The following AKAP6 variants were observed in gnomAD, a reference collection of about 807,000 sequenced individuals.
AKAP6 encodes the protein A-kinase anchoring protein 6.
AKAP6 carries 58 observed loss-of-function variants against 188.5 expected under a neutral mutation model. The observed-to-expected ratio is 0.31, with a 90% CI of 0.25 to 0.38. AKAP6 has a LOEUF of 0.38. Among genes scored for constraint, AKAP6 ranks in the 10% least tolerant of loss-of-function variants. The probability of loss-of-function intolerance (pLI) is 1.00; values close to 1 mark genes in which losing one functional copy is unlikely to be tolerated. For missense variants in AKAP6, 2,710 were observed against 2,740.0 expected, an observed-to-expected ratio of 0.99 and a Z score of 0.24; for synonymous variants, 989 against 998.6, an observed-to-expected ratio of 0.99 and a Z score of 0.18.
chr14:32,698,585 C>T (rs1440500027), intron 9 of AKAP6, among the ~76,000 whole-genome samples: 2 of 151,994 alleles, frequency 1.3e-5, no homozygotes, highest in East Asian at 3.9e-4. Context: ...AGAACATTTA[C>T]TCTTCATGTT....
At chr14:32,525,094 G>C (rs1205080158) in intron 2 of AKAP6, among the ~76,000 whole-genome samples, 1 of 152,174 alleles carries the variant, frequency 6.6e-6, no homozygotes, top group Non-Finnish European at 1.5e-5. Flanking sequence ...TGAGAGTCAA[G>C]ACCACAGCCA....
intron 9 of AKAP6, among the ~76,000 whole-genome samples, chr14:32,728,395 A>ATCTATCT (rs1566671089): frequency 1.4e-5 from 2 of 139,850 alleles, no homozygotes; most frequent in Non-Finnish European, 3.2e-5. Flanking sequence ...TCTATCTATC[A>ATCTATCT]ATCGTATCTA....
intron 1 of AKAP6, among the ~76,000 whole-genome samples, chr14:32,377,310 C>G (rs1004138929): frequency 6.6e-6 from 1 of 152,160 alleles, no homozygotes; most frequent in Non-Finnish European, 1.5e-5. Context: ...AACTGTGAGG[C>G]CTTATATGGA....
chr14:32,337,265 AAATAAG>A (rs1240588778), intron 1 of AKAP6, among the ~76,000 whole-genome samples: 2 of 152,218 alleles, frequency 1.3e-5, no homozygotes, highest in African/African-American at 4.8e-5. Flanking sequence ...AATTAAAAGT[AAATAAG>A]AATAAGGGGG....
chr14:32,621,988 C>T (rs1182970099), intron 7 of AKAP6, among the ~76,000 whole-genome samples: 1 of 152,106 alleles, frequency 6.6e-6, no homozygotes, highest in East Asian at 1.9e-4. Context: ...TGTAGGTAGT[C>T]TCAATAAGGC....
chr14:32,407,583 G>T (rs41397447), intron 1 of AKAP6, among the ~76,000 whole-genome samples: 10,621 of 152,278 alleles, frequency 0.07, 552 homozygotes, highest in Non-Finnish European at 0.1. Flanking sequence ...CTGCATGTTA[G>T]TGAGGTGGTT....
chr14:32,413,358 A>G (rs1889556091), intron 1 of AKAP6, among the ~76,000 whole-genome samples: 1 of 151,502 alleles, frequency 6.6e-6, no homozygotes, highest in Admixed American at 6.6e-5. Context: ...ATTTTTTAAA[A>G]TTGTTTGTAG....
intron 2 of AKAP6, among the ~76,000 whole-genome samples, chr14:32,524,566 G>C (rs549273189): frequency 1.8e-4 from 28 of 152,128 alleles, no homozygotes; most frequent in African/African-American, 6.5e-4. Context: ...AAAAGAGAAG[G>C]CATGTTAGAA....
intron 2 of AKAP6, among the ~76,000 whole-genome samples, chr14:32,479,940 T>A (rs1017735949): frequency 6.6e-6 from 1 of 152,228 alleles, no homozygotes; most frequent in African/African-American, 2.4e-5. Flanking sequence ...GTTGTCCAGA[T>A]GGGCTAAGGC....
Position 32,510,414 on chromosome 14 carries a change from G to GTA in AKAP6, c.325-25131_325-25130dup, listed in dbSNP as rs10557960. Among the ~76,000 whole-genome samples, 246 of 112,310 alleles carry GTA rather than the reference G, an allele frequency of 2.2e-3. 1 individual carries two copies. Among genetic ancestry groups the GTA allele is most frequent in the African/African-American group, 9.2e-3 (238 of 25,970 alleles). The allele number at this position is 112,310 out of a possible 152,430, so 73.7% of individuals were successfully genotyped here. On this transcript the variant is annotated intron_variant, in intron 2 of 13. Transcript: ENST00000280979. ...TATGTGTATATATATGTATATATAT[G>GTA]TATATATATACATATATATATGTGT...
At chr14:32,577,946 A>G (rs1011615254) in intron 5 of AKAP6, among the ~76,000 whole-genome samples, 3 of 152,182 alleles carry the variant, frequency 2.0e-5, no homozygotes, top group Admixed American at 6.5e-5. Context: ...GTGGAGTGTG[A>G]TAAAGCATGA....
At position 32,823,883 on chromosome 14, in the gene AKAP6, C is replaced by A; in HGVS notation, c.6070C>A (p.Gln2024Lys). 6.2e-7 allele frequency: 1 copy of A among 1,613,810 alleles called. No individual in the cohort carries two copies. The highest frequency in any genetic ancestry group is 2.2e-5 in the East Asian group (1 of 44,874). The part of the protein sequence containing the change: ...KSAGCCLALE[Q>K]NGTEENASIS... ...TGCTGGTTGTTGCCTAGCACTTGAA[C>A]AAAACGGAACAGAGGAAAATGCTTC... The change falls in exon 13 of 14, where the codon CAA becomes AAA. Residue 2024 changes from glutamine to lysine, a missense_variant. Transcript: ENST00000280979.
At chr14:32,375,711 A>G (rs1888137434) in intron 1 of AKAP6, among the ~76,000 whole-genome samples, 1 of 152,086 alleles carries the variant, frequency 6.6e-6, no homozygotes, top group Non-Finnish European at 1.5e-5. Context: ...CCTGTTAACA[A>G]CCCTATTTTA....
At chr14:32,632,683 G>A (rs567456273) in intron 7 of AKAP6, among the ~76,000 whole-genome samples, 13 of 152,134 alleles carry the variant, frequency 8.5e-5, no homozygotes, top group Admixed American at 2.0e-4. Flanking sequence ...CTTTTGGAAA[G>A]GACTTGAAAG....
intron 1 of AKAP6, among the ~76,000 whole-genome samples, chr14:32,330,934 C>A (rs879611162): frequency 6.6e-6 from 1 of 151,830 alleles, no homozygotes; most frequent in Non-Finnish European, 1.5e-5. Flanking sequence ...CACTTAGAAG[C>A]ATGAATTGTT....
chr14:32,584,511 C>G (rs935231443), intron 5 of AKAP6, among the ~76,000 whole-genome samples: 3 of 152,190 alleles, frequency 2.0e-5, no homozygotes, highest in Admixed American at 6.5e-5. Flanking sequence ...CTACTGTATA[C>G]AATTTTATGA....
rs755120850 is a variant in AKAP6, at chr14:32,546,202, T to G, written c.1549T>G (p.Ser517Ala). The G allele has an allele frequency of 7.4e-6, 12 of 1,614,032 alleles. No homozygotes were observed. Residue 517 changes from serine (S) to alanine (A), a missense_variant, in exon 4 of 14, where the codon TCA (serine) becomes GCA (alanine). Ser to Ala is a moderately conservative substitution (Grantham distance 99). Coordinates refer to ENST00000280979, the MANE Select transcript of AKAP6 (RefSeq NM_004274.5). ...CCGAACACCTAAACGGGGGACTGGT[T>G]CAGGCAAACAAGCTAAAAATACAAA... ...PCRTPKRGTG[S>A]GKQAKNTKSS... is the part of the protein sequence containing the mutation.
intron 1 of AKAP6, among the ~76,000 whole-genome samples, chr14:32,373,990 C>T (rs937368363): frequency 4.6e-5 from 7 of 152,180 alleles, no homozygotes; most frequent in East Asian, 3.9e-4. Context: ...TAAAGATGAG[C>T]GATAGTAAAA....
intron 1 of AKAP6, among the ~76,000 whole-genome samples, chr14:32,407,311 AC>A (rs1232478711): frequency 1.3e-5 from 2 of 152,090 alleles, no homozygotes. Context: ...AACCCAAAGG[AC>A]CTCCTGCCAA....
Sources: allele counts gnomAD v4.1 joint callset (sites outside exome capture counted in the v4.1 genomes callset), GRCh38; gene constraint gnomAD v4.1.1; transcripts MANE v1.5; gene names NCBI Gene and HGNC (gene_info 2026-07-23, HGNC 2026-07-21).